Variants in ROBO2 observed in about 807,000 individuals in gnomAD.
ROBO2 encodes roundabout homolog 2.
In ROBO2, 53 loss-of-function variants were observed where a neutral mutation model predicts 160.8. The ratio of observed to expected loss-of-function variants is 0.33; its 90% CI spans 0.26 to 0.41. The LOEUF (loss-of-function observed/expected upper bound fraction) is 0.41. ROBO2 is among the 10% of genes least tolerant of loss of function. The pLI is 1.00. For missense variants in ROBO2, 1,577 were observed against 1,722.4 expected, an observed-to-expected ratio of 0.92 and a Z score of 1.49; for synonymous variants, 664 against 611.7, an observed-to-expected ratio of 1.09 and a Z score of -1.26.
chr3:76,956,071 T>C (rs911018936), intron 2 of ROBO2, among the ~76,000 whole-genome samples: 2 of 152,058 alleles, frequency 1.3e-5, no homozygotes, highest in Admixed American at 1.3e-4. Flanking sequence ...GTCTCTACTT[T>C]ACGCCCTCCA....
chr3:76,395,843 C>G lies in ROBO2; in HGVS notation c.109+458241C>G, dbSNP rs1006014020. On this transcript the variant is annotated intron_variant, in intron 2 of 26. Coordinates refer to the ROBO2 transcript ENST00000487694. Reference sequence around the variant, plus strand: ...TGGCAATAATCAATAGCTTACCAACCAAAAAGAGTCCAGGACCAGATGGAT... The same window carrying G: ...TGGCAATAATCAATAGCTTACCAACGAAAAAGAGTCCAGGACCAGATGGAT... Among the ~76,000 whole-genome samples, 40 of 152,104 alleles carry G rather than the reference C, an allele frequency of 2.6e-4. 1 individual carries two copies. The highest frequency in any genetic ancestry group is 9.6e-4 in the African/African-American group (40 of 41,492).
intron 2 of ROBO2, among the ~76,000 whole-genome samples, chr3:77,298,718 G>A (rs957891212): frequency 6.6e-6 from 1 of 152,308 alleles, no homozygotes; most frequent in South Asian, 2.1e-4. Flanking sequence ...CAGGAGATGA[G>A]TTTAAATTAT....
chr3:77,171,145 TGACA>T (rs1163488959), intron 2 of ROBO2, among the ~76,000 whole-genome samples: 9 of 152,148 alleles, frequency 5.9e-5, no homozygotes, highest in South Asian at 2.1e-4. Context: ...TCCTCGTCAC[TGACA>T]GACAGCCCGG....
intron 2 of ROBO2, among the ~76,000 whole-genome samples, chr3:76,890,614 A>G (rs1013111287): frequency 2.0e-5 from 3 of 152,142 alleles, no homozygotes; most frequent in Admixed American, 6.6e-5. Context: ...GGGTAAATAT[A>G]TATTGCTATG....
chr3:77,487,572 T>A (rs1218053500), intron 4 of ROBO2, among the ~76,000 whole-genome samples: 1 of 152,144 alleles, frequency 6.6e-6, no homozygotes, highest in African/African-American at 2.4e-5. Context: ...TGGAAGGGCA[T>A]GACAATTCAC....
intron 2 of ROBO2, among the ~76,000 whole-genome samples, chr3:76,236,258 A>G (rs568783026): frequency 6.6e-5 from 10 of 152,258 alleles, no homozygotes; most frequent in Admixed American, 1.3e-4. Flanking sequence ...TCTAATTATT[A>G]CAAAGCATGT....
At chr3:76,269,889 G>T (rs1707328273) in intron 2 of ROBO2, among the ~76,000 whole-genome samples, 1 of 151,950 alleles carries the variant, frequency 6.6e-6, no homozygotes, top group Admixed American at 6.6e-5. Context: ...GAAAAGGATG[G>T]ATCTTTGCTT....
intron 2 of ROBO2, among the ~76,000 whole-genome samples, chr3:76,470,670 T>C (rs2078609148): frequency 6.6e-6 from 1 of 152,158 alleles, no homozygotes; most frequent in African/African-American, 2.4e-5. Context: ...ACTTTCACTA[T>C]ATTTTCTTTG....
intron 2 of ROBO2, among the ~76,000 whole-genome samples, chr3:76,705,282 A>G (rs901323795): frequency 1.3e-5 from 2 of 152,178 alleles, no homozygotes; most frequent in Non-Finnish European, 2.9e-5. Context: ...CCAGTTGCCT[A>G]GAGTAATACA....
intron 2 of ROBO2, among the ~76,000 whole-genome samples, chr3:76,314,703 C>T (rs1035602127): frequency 2.8e-4 from 43 of 151,742 alleles, no homozygotes; most frequent in African/African-American, 1.0e-3. Context: ...TTTTCTTTTC[C>T]CTAGCTTACT....
At chr3:76,288,412 A>C (rs1708635040) in intron 2 of ROBO2, among the ~76,000 whole-genome samples, 1 of 151,796 alleles carries the variant, frequency 6.6e-6, no homozygotes, top group African/African-American at 2.4e-5. Context: ...TAAAATACCC[A>C]TTTTTTTAAT....
At chr3:77,110,564 T>C (rs2073435855) in intron 2 of ROBO2, among the ~76,000 whole-genome samples, 1 of 151,388 alleles carries the variant, frequency 6.6e-6, no homozygotes, top group Non-Finnish European at 1.5e-5. Flanking sequence ...AACAGAACCT[T>C]GACTTAAACC....
Position 76,498,976 on chromosome 3 carries a change from T to A in ROBO2, c.109+561374T>A, listed in dbSNP as rs574419484. 4.6e-5 allele frequency among the ~76,000 whole-genome samples: 7 copies of A among 152,238 alleles called. No individual in the cohort carries two copies. In the South Asian group the frequency reaches 1.5e-3, roughly 32 times the overall value. On this transcript the variant is annotated intron_variant, in intron 2 of 26. Coordinates refer to the ROBO2 transcript ENST00000487694. The stretch of plus-strand genomic sequence containing the variant: ...TGCTGGGATTACAGGCCTGAGCCAC[T>A]GCGCCCAGCAGTTTGTCTGCTTTTA...
chr3:76,447,985 A>G (rs995720160), intron 2 of ROBO2, among the ~76,000 whole-genome samples: 1 of 151,918 alleles, frequency 6.6e-6, no homozygotes, highest in African/African-American at 2.4e-5. Flanking sequence ...TGGCACATGT[A>G]TACATATGTA....
At chr3:76,396,723 A>G (rs1353224410) in intron 2 of ROBO2, among the ~76,000 whole-genome samples, 1 of 152,186 alleles carries the variant, frequency 6.6e-6, no homozygotes, top group Non-Finnish European at 1.5e-5. Context: ...CCCATTCACA[A>G]TTGCTTCAAA....
At chr3:76,739,132 ATATACCCAAAGGAC>A (rs2093760519) in intron 2 of ROBO2, among the ~76,000 whole-genome samples, 1 of 152,174 alleles carries the variant, frequency 6.6e-6, no homozygotes, top group African/African-American at 2.4e-5. Context: ...ATTACTGGGT[ATATACCCAAAGGAC>A]TATAAATCAT....
At chr3:77,016,221 C>T (rs1328073623) in intron 2 of ROBO2, among the ~76,000 whole-genome samples, 27 of 152,200 alleles carry the variant, frequency 1.8e-4, no homozygotes, top group African/African-American at 4.8e-4. Flanking sequence ...CATGATCCGC[C>T]GCCTCGGCCT....
intron 2 of ROBO2, among the ~76,000 whole-genome samples, chr3:77,372,058 T>C (rs533014580): frequency 6.6e-6 from 1 of 152,242 alleles, no homozygotes; most frequent in Non-Finnish European, 1.5e-5. Flanking sequence ...GAGTTCTGTA[T>C]TGTCCTGTGA....
chr3:76,677,748 A>C (rs565382053), intron 2 of ROBO2, among the ~76,000 whole-genome samples: 155 of 152,158 alleles, frequency 1.0e-3, no homozygotes, highest in Non-Finnish European at 1.8e-3. Context: ...AATATATAGA[A>C]GCTTAAATTG....
Sources: allele counts gnomAD v4.1 joint callset (sites outside exome capture counted in the v4.1 genomes callset), GRCh38; gene constraint gnomAD v4.1.1; transcripts MANE v1.5; gene names NCBI Gene and HGNC (gene_info 2026-07-23, HGNC 2026-07-21).